The following DPH6 variants were observed in gnomAD, a reference collection of about 807,000 sequenced individuals.
The protein encoded by DPH6 is diphthamine biosynthesis 6.
A neutral mutation model predicts 38.2 loss-of-function variants in DPH6; 33 were observed. That is an observed-to-expected ratio of 0.86 (90% CI 0.65 to 1.15). The LOEUF (loss-of-function observed/expected upper bound fraction) is 1.15, where lower values mean the gene tolerates loss of function less well. Ranked by LOEUF, DPH6 falls within the 50% of genes most tolerant of loss-of-function variation. The pLI is 0.00. For missense variants in DPH6, 325 were observed against 320.0 expected (o/e 1.02, Z -0.12); for synonymous variants, 108 against 103.0 (o/e 1.05, Z -0.30).
chr15:35,418,719 A>ATG (rs1453993514), intron 5 of DPH6, among the ~76,000 whole-genome samples: 3 of 152,094 alleles, frequency 2.0e-5, no homozygotes, highest in African/African-American at 7.2e-5. Context: ...CTACAATGTT[A>ATG]TGCTCCATTA....
chr15:35,416,932 C>T lies in DPH6; in HGVS notation c.506-6036G>A, dbSNP rs574153354. Among the ~76,000 whole-genome samples the T allele has an allele frequency of 9.9e-4, 151 of 152,032 alleles. 1 individual carries two copies. Among genetic ancestry groups the T allele is most frequent in the Admixed American group, 6.9e-3 (105 of 15,250 alleles). On this transcript the variant is annotated intron_variant, in intron 5 of 8. Transcript: ENST00000256538. ...TAAATCATCTGAAACTATTATGCAC[C>T]GGGTGATATTAGGGATGTTAGGGAT... is the stretch of plus-strand genomic sequence containing the variant.
intron 3 of DPH6, chr15:35,520,827 T>C: frequency 1.0e-6 from 1 of 984,992 alleles, no homozygotes; most frequent in Non-Finnish European, 1.2e-6. Context: ...TAAATCCACA[T>C]TAATACAGGT....
chr15:35,418,128 G>C (rs1486156641), intron 5 of DPH6, among the ~76,000 whole-genome samples: 1 of 152,004 alleles, frequency 6.6e-6, no homozygotes, highest in Non-Finnish European at 1.5e-5. Context: ...GACACAAACT[G>C]TGCTTCACCA....
rs2052705325 is a variant in DPH6 at position 35,370,887 on chromosome 15, A to C, written c.*1263T>G. On this transcript the variant is annotated 3_prime_UTR_variant, in exon 9 of 9. Transcript: ENST00000256538. ...TCTTCACACAAAAACCTGTTCATGG[A>C]TGTTTATAGTCGCTTTATTCATAAT... The C allele has an allele frequency of 6.6e-6, 1 of 151,758 alleles. No homozygotes were observed. Among genetic ancestry groups the C allele is most frequent in the African/African-American group, 2.4e-5 (1 of 41,396 alleles). The allele number at this position is 151,758 out of a possible 1,614,324, so 9.4% of individuals were successfully genotyped here. A position where few individuals can be genotyped will look rare whatever the true frequency, so the allele number is the denominator to read the frequency against.
intron 3 of DPH6, among the ~76,000 whole-genome samples, chr15:35,220,871 T>C (rs2051438159): frequency 6.6e-6 from 1 of 152,170 alleles, no homozygotes; most frequent in Non-Finnish European, 1.5e-5. Context: ...TACATTCGTT[T>C]CAACCCAACA....
Position 35,456,632 on chromosome 15 carries a change from T to C in DPH6, c.313-1812A>G, listed in dbSNP as rs1041943152. Among the ~76,000 whole-genome samples the C allele has an allele frequency of 8.6e-5, 13 of 151,216 alleles. 1 individual carries two copies. The highest frequency in any genetic ancestry group is 5.9e-4 in the East Asian group (3 of 5,052). On this transcript the variant is annotated intron_variant, in intron 3 of 8. Coordinates refer to ENST00000256538, the MANE Select transcript of DPH6 (RefSeq NM_080650.4). ...CCTCCCGACTAGCTGGGACTACAGG[T>C]GTGTGCCACCACGCCCAGCTAAGTT...
downstream of DPH6, among the ~76,000 whole-genome samples, chr15:35,330,559 C>T (rs1338147704): frequency 2.6e-5 from 4 of 152,050 alleles, no homozygotes; most frequent in Non-Finnish European, 5.9e-5. Flanking sequence ...GAACAGCTTT[C>T]TGAAAAACTT....
chr15:35,479,547 A>T (rs1244067518), intron 3 of DPH6, among the ~76,000 whole-genome samples: 1 of 152,096 alleles, frequency 6.6e-6, no homozygotes, highest in African/African-American at 2.4e-5. Context: ...CTCCTCCAAG[A>T]CTTCTACAAA....
chr15:35,233,045 T>C (rs1488374964), intron 3 of DPH6, among the ~76,000 whole-genome samples: 1 of 152,160 alleles, frequency 6.6e-6, no homozygotes, highest in Admixed American at 6.5e-5. Context: ...TGGTGGCTCA[T>C]GCCTGTAATC....
chr15:35,243,361 A>T (rs1245015304), intron 3 of DPH6, among the ~76,000 whole-genome samples: 1 of 141,998 alleles, frequency 7.0e-6, no homozygotes, highest in Non-Finnish European at 1.5e-5. Context: ...ACACTTCAAC[A>T]CTATTTTGTT....
intron 6 of DPH6, among the ~76,000 whole-genome samples, chr15:35,402,725 T>C (rs151084901): frequency 7.1e-4 from 108 of 152,170 alleles, no homozygotes; most frequent in African/African-American, 2.5e-3. Context: ...ATGGAGTAGT[T>C]AGTGTATAAG....
chr15:35,400,045 T>C (rs1028975834), intron 6 of DPH6, among the ~76,000 whole-genome samples: 1 of 152,176 alleles, frequency 6.6e-6, no homozygotes, highest in Admixed American at 6.5e-5. Flanking sequence ...TGGTTCAGAT[T>C]AGATCAAGTC....
chr15:35,543,257 A>AT (rs1440358397), intron 1 of DPH6, among the ~76,000 whole-genome samples: 5,627 of 100,292 alleles, frequency 0.056, 452 homozygotes, highest in African/African-American at 0.16. Context: ...ACACATACAC[A>AT]TAATATATAT....
rs562159419 is a variant in DPH6, at chr15:35,263,805, G to A, written n.201-43223C>T. 1.7e-4 allele frequency among the ~76,000 whole-genome samples: 26 copies of A among 151,800 alleles called. No individual in the cohort carries two copies. The East Asian group carries it at 3.9e-3, about 23-fold the overall frequency. Reference sequence around the variant, plus strand: ...CTGCTCACTCCAAGCTCAGCCTCCCGGGTTCATGCCATTCTCCTGCCTCAG... The same window carrying A: ...CTGCTCACTCCAAGCTCAGCCTCCCAGGTTCATGCCATTCTCCTGCCTCAG... On this transcript the variant is annotated intron_variant and non_coding_transcript_variant, in intron 3 of 3. Transcript: ENST00000560386.
At chr15:35,355,044 CTTCT>C (rs1483257386) in intron 3 of DPH6, among the ~76,000 whole-genome samples, 17 of 152,046 alleles carry the variant, frequency 1.1e-4, no homozygotes, top group African/African-American at 3.6e-4. Flanking sequence ...ACGTAATGGC[CTTCT>C]TTGTCTCTTT....
At chr15:35,386,538 T>A (rs1245352187) in intron 6 of DPH6, among the ~76,000 whole-genome samples, 1 of 152,256 alleles carries the variant, frequency 6.6e-6, no homozygotes, top group Non-Finnish European at 1.5e-5. Context: ...ATCGCCATTC[T>A]AACTGGTGTG....
downstream of DPH6, among the ~76,000 whole-genome samples, chr15:35,370,716 ACT>A (rs533063881): frequency 3.9e-3 from 596 of 151,760 alleles, 2 homozygotes; most frequent in African/African-American, 0.014. Context: ...AACAACAGAA[ACT>A]CTCATTCATT....
At chr15:35,430,955 T>TCAAAAA (rs1372386882) in intron 5 of DPH6, among the ~76,000 whole-genome samples, 1 of 152,030 alleles carries the variant, frequency 6.6e-6, no homozygotes, top group Admixed American at 6.6e-5. Context: ...TATGAGCCTG[T>TCAAAAA]CAAAAACAAA....
intron 3 of DPH6, among the ~76,000 whole-genome samples, chr15:35,536,965 G>T (rs1398985105): frequency 6.6e-6 from 1 of 152,020 alleles, no homozygotes; most frequent in Admixed American, 6.6e-5. Context: ...CCTTTCAAAA[G>T]TGTCTACTTC....
Sources: gnomAD v4.1 joint callset for allele counts (sites outside exome capture counted in the v4.1 genomes callset) on GRCh38, gnomAD v4.1.1 for gene constraint, MANE v1.5 for transcripts, NCBI Gene and HGNC (gene_info 2026-07-23, HGNC 2026-07-21) for gene names.